Variants in INPP5B observed in about 807,000 individuals in gnomAD.
The protein encoded by INPP5B is inositol polyphosphate-5-phosphatase B.
In INPP5B, 90 loss-of-function variants were observed where a neutral mutation model predicts 118.5. The ratio of observed to expected loss-of-function variants is 0.76; its 90% CI spans 0.64 to 0.90. The LOEUF (loss-of-function observed/expected upper bound fraction) is 0.90. INPP5B is among the 40% of genes least tolerant of loss of function. The pLI is 0.00. For synonymous variants in INPP5B, 385 were observed against 418.9 expected (o/e 0.92, Z 0.99); for missense variants, 984 against 1,125.6 (o/e 0.87, Z 1.80).
intron 16 of INPP5B, among the ~76,000 whole-genome samples, chr1:37,877,036 C>T (rs1290196055): frequency 1.3e-5 from 2 of 152,046 alleles, no homozygotes; most frequent in Non-Finnish European, 2.9e-5. Context: ...GCACTCCAGC[C>T]TGGGTGACAG....
Position 37,918,965 on chromosome 1 carries a change from T to C in INPP5B, c.532+12948A>G, listed in dbSNP as rs1273403079. On this transcript the variant is annotated intron_variant, in intron 7 of 23. Coordinates refer to ENST00000373024, the MANE Select transcript of INPP5B (RefSeq NM_005540.3). The stretch of plus-strand genomic sequence containing the variant: ...ATTGTGTCTGATTATTAGCCTTGTT[T>C]TACAAATAAGGAAATTGAGGCCTAG... 2.0e-5 allele frequency among the ~76,000 whole-genome samples: 3 copies of C among 152,164 alleles called. 1 individual carries two copies. Among genetic ancestry groups the C allele is most frequent in the Non-Finnish European group, 4.4e-5 (3 of 68,020 alleles).
At chr1:37,914,414 C>G (rs538296352) in intron 7 of INPP5B, among the ~76,000 whole-genome samples, 1 of 152,078 alleles carries the variant, frequency 6.6e-6, no homozygotes, top group African/African-American at 2.4e-5. Flanking sequence ...GGAACAAAAC[C>G]CAAACCTCTG....
chr1:37,941,831 G>A (rs1257095250), intron 5 of INPP5B, among the ~76,000 whole-genome samples: 3 of 134,984 alleles, frequency 2.2e-5, no homozygotes, highest in Admixed American at 7.6e-5. Flanking sequence ...CCAGCTACTC[G>A]GGAGGCTGAG....
chr1:37,882,323 A>G (rs1009416990), intron 14 of INPP5B, among the ~76,000 whole-genome samples: 5 of 152,196 alleles, frequency 3.3e-5, no homozygotes, highest in Non-Finnish European at 7.3e-5. Flanking sequence ...AGGAAACGCT[A>G]CGTCAAGCAA....
chr1:37,878,604 C>G, intron 15 of INPP5B: 1 of 418,794 alleles, frequency 2.4e-6, no homozygotes. Flanking sequence ...AAAAACCAAT[C>G]TGACAGTAAG....
chr1:37,937,027 G>A (rs1645723869), intron 6 of INPP5B, among the ~76,000 whole-genome samples: 1 of 151,870 alleles, frequency 6.6e-6, no homozygotes, highest in African/African-American at 2.4e-5. Context: ...AGTATATGAG[G>A]CCAGGCCGGG....
At chr1:37,891,635 A>G (rs1643851908) in intron 7 of INPP5B, among the ~76,000 whole-genome samples, 181 bp from the exon 8 acceptor site, 1 of 151,964 alleles carries the variant, frequency 6.6e-6, no homozygotes, top group Non-Finnish European at 1.5e-5. Context: ...TTAGCCAGGC[A>G]TGGTGGTGCA....
At chr1:37,876,858 T>G (rs557671275) in intron 16 of INPP5B, among the ~76,000 whole-genome samples, 1 of 151,382 alleles carries the variant, frequency 6.6e-6, no homozygotes, top group East Asian at 2.0e-4. Flanking sequence ...CCAGCCTGGG[T>G]GACAGAGCAA....
chr1:37,932,974 A>G (rs2148667731), intron 6 of INPP5B, among the ~76,000 whole-genome samples: 1 of 151,968 alleles, frequency 6.6e-6, no homozygotes, highest in Non-Finnish European at 1.5e-5. Context: ...AAACTATCTG[A>G]CTCTGGAACA....
intron 6 of INPP5B, among the ~76,000 whole-genome samples, chr1:37,933,012 C>T (rs1645548301): frequency 1.3e-5 from 2 of 152,176 alleles, no homozygotes; most frequent in Non-Finnish European, 2.9e-5. Context: ...TGCTATCCCA[C>T]CTGCTCTGTC....
intron 7 of INPP5B, among the ~76,000 whole-genome samples, chr1:37,906,888 A>AAAT (rs1557680324): frequency 2.0e-5 from 3 of 151,492 alleles, no homozygotes; most frequent in African/African-American, 2.4e-5. Flanking sequence ...GAAAGAAAAA[A>AAAT]AAAACCTATG....
intron 7 of INPP5B, among the ~76,000 whole-genome samples, chr1:37,925,929 A>C (rs1206053472): frequency 1.3e-5 from 2 of 152,234 alleles, no homozygotes; most frequent in Admixed American, 1.3e-4. Context: ...GTTACTTAGG[A>C]GCCTGCAGAG....
intron 6 of INPP5B, among the ~76,000 whole-genome samples, chr1:37,936,758 T>C (rs916260402): frequency 6.6e-6 from 1 of 150,532 alleles, no homozygotes; most frequent in African/African-American, 2.4e-5. Flanking sequence ...AGTCTCGCTC[T>C]GTCACTATAT....
Position 37,898,752 on chromosome 1 carries a change from G to A in INPP5B, c.533-7298C>T, listed in dbSNP as rs144113927. On this transcript the variant is annotated intron_variant, in intron 7 of 23. Coordinates refer to ENST00000373024, the MANE Select transcript of INPP5B (RefSeq NM_005540.3). ...AAAATTTTAAAAAATCATTTAGGACGTCAGGAGATTCTGGAGTAAAATGCA... is the reference window on the plus strand; with the variant it reads ...AAAATTTTAAAAAATCATTTAGGACATCAGGAGATTCTGGAGTAAAATGCA... Among the ~76,000 whole-genome samples, 959 of 151,932 alleles carry A rather than the reference G, an allele frequency of 6.3e-3. 10 individuals carry two copies. Among genetic ancestry groups the A allele is most frequent in the Non-Finnish European group, 8.9e-3 (604 of 67,958 alleles).
intron 10 of INPP5B, 69 bp downstream of exon 10, chr1:37,888,174 A>G (rs777919580): frequency 1.7e-5 from 16 of 947,568 alleles, no homozygotes; most frequent in Non-Finnish European, 2.2e-5. Context: ...ACCTGTTGTG[A>G]AGACCCATCC....
Position 37,878,499 on chromosome 1 carries a change from G to A in INPP5B, c.1542-176C>T, listed in dbSNP as rs534125614. 5.1e-6 allele frequency: 5 copies of A among 985,258 alleles called. No individual in the cohort carries two copies. The South Asian group carries it at 2.3e-4, about 46-fold the overall frequency. The allele number at this position is 985,258 out of a possible 1,614,324, so 61.0% of individuals were successfully genotyped here. A position where few individuals can be genotyped will look rare whatever the true frequency, so the allele number is the denominator to read the frequency against. The stretch of plus-strand genomic sequence containing the variant: ...CCAAGGGATAACATGTATCCTGTGG[G>A]TATCATCCAAAACAACCATGAAAGC... On this transcript the variant is annotated intron_variant, in intron 15 of 23. Transcript: ENST00000373024.
intron 21 of INPP5B, 69 bp from the exon 22 acceptor site, chr1:37,865,957 C>T (rs2148445049): frequency 6.3e-7 from 1 of 1,590,658 alleles, no homozygotes; most frequent in Non-Finnish European, 8.6e-7. Context: ...CAGGAGCAAG[C>T]ACATGCCAGA....
At chr1:37,913,378 G>A (rs1012613028) in intron 7 of INPP5B, among the ~76,000 whole-genome samples, 2 of 151,848 alleles carry the variant, frequency 1.3e-5, no homozygotes, top group African/African-American at 2.4e-5. Context: ...CCCAAAACTC[G>A]CCAACCAATC....
intron 7 of INPP5B, among the ~76,000 whole-genome samples, chr1:37,903,592 T>C (rs1330279943): frequency 6.6e-6 from 1 of 152,184 alleles, no homozygotes; most frequent in Non-Finnish European, 1.5e-5. Flanking sequence ...CCGGGCATGG[T>C]GGCGGGTGCC....
Sources: gnomAD v4.1 joint callset for allele counts (sites outside exome capture counted in the v4.1 genomes callset) on GRCh38, gnomAD v4.1.1 for gene constraint, MANE v1.5 for transcripts, NCBI Gene and HGNC (gene_info 2026-07-23, HGNC 2026-07-21) for gene names.